PTPRM: variants seen among roughly 807,000 people sequenced by gnomAD.
PTPRM encodes receptor-type tyrosine-protein phosphatase mu.
Under a neutral mutation model 186.7 loss-of-function variants are expected in PTPRM, and 47 were observed. That is an observed-to-expected ratio of 0.25 (90% confidence interval 0.20 to 0.32). The LOEUF is 0.32. PTPRM is among the 10% of genes least tolerant of loss of function. The pLI, the probability that PTPRM is intolerant of heterozygous loss-of-function variation, is 1.00. For synonymous variants in PTPRM, 668 were observed against 674.9 expected, an observed-to-expected ratio of 0.99 and a Z score of 0.16; for missense variants, 1,494 against 1,865.0, an observed-to-expected ratio of 0.80 and a Z score of 3.66.
rs1031721406 is a variant in PTPRM at position 7,763,292 on chromosome 18, A to G, written c.74-10857A>G. Among the ~76,000 whole-genome samples the G allele has an allele frequency of 3.0e-4, 46 of 152,224 alleles. 1 individual carries two copies. Among genetic ancestry groups the G allele is most frequent in the African/African-American group, 1.1e-3 (46 of 41,466 alleles). ...AGCAAAGCCTGGAGATGGAAGGAGC[A>G]GAGGCTAACTAGGTGGAGGTGGAGG... On this transcript the variant is annotated intron_variant, in intron 1 of 32. Coordinates refer to ENST00000580170, the MANE Select transcript of PTPRM (RefSeq NM_001105244.2).
chr18:8,012,435 C>G (rs1010351165), intron 7 of PTPRM, among the ~76,000 whole-genome samples: 3 of 152,146 alleles, frequency 2.0e-5, no homozygotes, highest in Non-Finnish European at 1.5e-5. Flanking sequence ...AATCATGCCT[C>G]GATGAAGGAC....
chr18:7,757,843 A>G (rs2041578430), intron 1 of PTPRM, among the ~76,000 whole-genome samples: 1 of 152,060 alleles, frequency 6.6e-6, no homozygotes, highest in African/African-American at 2.4e-5. Flanking sequence ...GGTATGGGGT[A>G]TCCCAAGCCC....
intron 2 of PTPRM, among the ~76,000 whole-genome samples, chr18:7,797,952 G>C (rs184656979): frequency 6.6e-6 from 1 of 152,116 alleles, no homozygotes; most frequent in South Asian, 2.1e-4. Context: ...CCTTGACTTC[G>C]GATGTCCCTG....
intron 1 of PTPRM, among the ~76,000 whole-genome samples, chr18:7,621,235 G>A (rs2037930349): frequency 6.6e-6 from 1 of 152,008 alleles, no homozygotes; most frequent in Admixed American, 6.6e-5. Flanking sequence ...TGGTAAACTG[G>A]GATTTGAACC....
intron 22 of PTPRM, among the ~76,000 whole-genome samples, chr18:8,334,220 A>G (rs2095426615): frequency 6.6e-6 from 1 of 152,198 alleles, no homozygotes; most frequent in Admixed American, 6.5e-5. Context: ...ATTCCAGCCT[A>G]GAAGCCTTGG....
At chr18:8,401,409 G>T (rs959149868) in intron 32 of PTPRM, among the ~76,000 whole-genome samples, 2 of 152,210 alleles carry the variant, frequency 1.3e-5, no homozygotes, top group African/African-American at 4.8e-5. Flanking sequence ...GGCACAGAGT[G>T]GCTGGCCACA....
At chr18:8,206,031 A>C (rs989628981) in intron 14 of PTPRM, among the ~76,000 whole-genome samples, 3 of 152,114 alleles carry the variant, frequency 2.0e-5, no homozygotes, top group East Asian at 3.9e-4. Context: ...AAAGGTGATT[A>C]ATTTAAAATA....
intron 7 of PTPRM, among the ~76,000 whole-genome samples, chr18:7,985,026 CAT>C (rs1207366759): frequency 4.3e-5 from 5 of 116,824 alleles, no homozygotes; most frequent in Non-Finnish European, 1.6e-5. Context: ...ATTATATATA[CAT>C]ATATAAATAT....
chr18:7,613,364 A>G (rs1458879937), intron 1 of PTPRM, among the ~76,000 whole-genome samples: 1 of 152,122 alleles, frequency 6.6e-6, no homozygotes, highest in Non-Finnish European at 1.5e-5. Context: ...TTTCAGTCAT[A>G]TTGTTTCTTG....
At chr18:7,997,612 T>C (rs2083615419) in intron 7 of PTPRM, among the ~76,000 whole-genome samples, 1 of 152,140 alleles carries the variant, frequency 6.6e-6, no homozygotes, top group Non-Finnish European at 1.5e-5. Flanking sequence ...GGAGAAATTA[T>C]TTGCAATCTA....
At position 7,677,255 on chromosome 18, in the gene PTPRM, G is replaced by A. The variant is rs542166373; in HGVS notation, c.74-96894G>A. 6.6e-5 allele frequency among the ~76,000 whole-genome samples: 10 copies of A among 152,258 alleles called. No homozygotes were observed. The East Asian group carries it at 1.4e-3, about 21-fold the overall frequency. ...CAGATTCTTCTCTGAATATGACCAC[G>A]GGGAATTGTTTGGACATTAACAAGT... is the stretch of plus-strand genomic sequence containing the variant. On this transcript the variant is annotated intron_variant, in intron 1 of 32. Coordinates refer to ENST00000580170, the MANE Select transcript of PTPRM (RefSeq NM_001105244.2).
intron 2 of PTPRM, among the ~76,000 whole-genome samples, chr18:7,789,807 T>G (rs1313731744): frequency 6.6e-6 from 1 of 152,252 alleles, no homozygotes; most frequent in African/African-American, 2.4e-5. Flanking sequence ...TTTGTTCATA[T>G]ACGGTTACCC....
intron 1 of PTPRM, among the ~76,000 whole-genome samples, chr18:7,759,897 A>G (rs552892317): frequency 6.6e-5 from 10 of 152,308 alleles, no homozygotes; most frequent in African/African-American, 1.9e-4. Context: ...TACGGAAACT[A>G]TAATATTAGG....
intron 1 of PTPRM, chr18:7,751,020 C>G (rs982222652): frequency 6.8e-6 from 1 of 147,868 alleles, no homozygotes; most frequent in African/African-American, 2.5e-5. Context: ...TTTCACTTAC[C>G]CCAGTGAGAT....
chr18:7,721,228 A>C (rs985336848), intron 1 of PTPRM, among the ~76,000 whole-genome samples: 1 of 150,732 alleles, frequency 6.6e-6, no homozygotes, highest in Admixed American at 6.6e-5. Flanking sequence ...ATGATTAATG[A>C]TGTTTGGCAT....
chr18:8,184,139 C>T (rs992311083), intron 14 of PTPRM, among the ~76,000 whole-genome samples: 3 of 152,178 alleles, frequency 2.0e-5, no homozygotes, highest in African/African-American at 7.2e-5. Flanking sequence ...GTCCCACCTG[C>T]TCCCTCCGTT....
chr18:8,077,993 A>G (rs532431508), intron 9 of PTPRM, among the ~76,000 whole-genome samples: 82 of 152,318 alleles, frequency 5.4e-4, no homozygotes, highest in African/African-American at 1.8e-3. Context: ...TCTAAATACT[A>G]CTACAATGGG....
intron 1 of PTPRM, among the ~76,000 whole-genome samples, chr18:7,627,163 T>A (rs1392426153): frequency 6.6e-6 from 1 of 152,180 alleles, no homozygotes; most frequent in African/African-American, 2.4e-5. Context: ...CTGCCATTTC[T>A]ACTCACCTCC....
intron 19 of PTPRM, among the ~76,000 whole-genome samples, chr18:8,283,357 A>G (rs1465499212): frequency 6.6e-6 from 1 of 152,246 alleles, no homozygotes; most frequent in Non-Finnish European, 1.5e-5. Context: ...TTTAAAATTT[A>G]TGTCAAATTT....
Sources: allele counts gnomAD v4.1 joint callset (sites outside exome capture counted in the v4.1 genomes callset), GRCh38; gene constraint gnomAD v4.1.1; transcripts MANE v1.5; gene names NCBI Gene and HGNC (gene_info 2026-07-23, HGNC 2026-07-21).